The following DNAH11 variants were observed in gnomAD, a reference collection of about 807,000 sequenced individuals.
DNAH11 encodes the protein dynein axonemal heavy chain 11, also known as axonemal beta dynein heavy chain 11.
In DNAH11, 442 loss-of-function variants were observed where a neutral mutation model predicts 526.0. The observed-to-expected ratio is 0.84, with a 90% CI of 0.78 to 0.91. DNAH11 has a LOEUF of 0.91. Ranked by LOEUF, DNAH11 falls within the 40% of genes least tolerant of loss-of-function variation. DNAH11 has a pLI of 0.00. For synonymous variants in DNAH11, 2,461 were observed against 1,935.9 expected (o/e 1.27, Z -7.12); for missense variants, 6,989 against 5,448.7 (o/e 1.28, Z -8.90).
chr7:21,760,619 G>T (rs996675486), intron 54 of DNAH11, among the ~76,000 whole-genome samples: 2 of 152,202 alleles, frequency 1.3e-5, no homozygotes, highest in Non-Finnish European at 2.9e-5. Context: ...TTTGATGGGG[G>T]AGGTTTTGCT....
chr7:21,849,889 T>G (rs540535409), intron 66 of DNAH11, among the ~76,000 whole-genome samples: 3 of 152,334 alleles, frequency 2.0e-5, no homozygotes, highest in Non-Finnish European at 2.9e-5. Flanking sequence ...GCTACCATTA[T>G]TTCCAATCTT....
At chr7:21,653,655 T>C (rs1476582410) in intron 28 of DNAH11, among the ~76,000 whole-genome samples, 1 of 152,176 alleles carries the variant, frequency 6.6e-6, no homozygotes, top group East Asian at 1.9e-4. Context: ...ACTTTCTCTA[T>C]ATTAATATCC....
intron 67 of DNAH11, among the ~76,000 whole-genome samples, chr7:21,853,940 T>C (rs1283270728): frequency 3.3e-5 from 5 of 152,140 alleles, no homozygotes; most frequent in African/African-American, 1.2e-4. Context: ...TGGCATTGAA[T>C]TGACCCAGCA....
intron 5 of DNAH11, among the ~76,000 whole-genome samples, chr7:21,561,867 A>G (rs1387571162): frequency 6.6e-6 from 1 of 152,258 alleles, no homozygotes; most frequent in African/African-American, 2.4e-5. Context: ...AATATGGACA[A>G]GTAACTTTTT....
Position 21,600,846 on chromosome 7 carries a change from T to G in DNAH11, c.3171T>G (p.His1057Gln), listed in dbSNP as rs746557069. The G allele has an allele frequency of 6.2e-7, 1 of 1,613,966 alleles. No individual in the cohort carries two copies. Among genetic ancestry groups the G allele is most frequent in the Admixed American group, 1.7e-5 (1 of 60,012 alleles). Residue 1057 changes from histidine (H) to glutamine (Q), a missense_variant, in exon 16 of 82, where the codon CAT (histidine) becomes CAG (glutamine). Transcript: ENST00000409508. ...TGAAGCATTTTCTCTTGTATGGCCA[T>G]GCTGTGTCTTCCGATGAAATGGATG... ...EFMKHFLLYG[H>Q]AVSSDEMDAH...
intron 57 of DNAH11, among the ~76,000 whole-genome samples, chr7:21,781,376 C>G (rs987602175): frequency 7.2e-5 from 11 of 152,178 alleles, no homozygotes; most frequent in African/African-American, 2.7e-4. Context: ...GCGATTTGAA[C>G]CACTGGGCAT....
intron 63 of DNAH11, 49 bp from the exon 64 acceptor site, chr7:21,816,416 TTC>T (rs1789791821): frequency 2.8e-6 from 4 of 1,407,014 alleles, no homozygotes; most frequent in Admixed American, 4.0e-5. Context: ...CTTGTCTGTC[TTC>T]TCTCTCTGCC....
chr7:21,619,013 A>G (rs1785912655), intron 23 of DNAH11, 87 bp from the exon 24 acceptor site: 1 of 1,535,000 alleles, frequency 6.5e-7, no homozygotes, highest in Non-Finnish European at 9.0e-7. Context: ...AGTATATTTT[A>G]GTTAAGATTC....
intron 45 of DNAH11, among the ~76,000 whole-genome samples, chr7:21,735,130 A>C (rs1159442772): frequency 6.6e-6 from 1 of 152,190 alleles, no homozygotes; most frequent in Non-Finnish European, 1.5e-5. Flanking sequence ...TGATCATGCC[A>C]CTGCACTCCA....
chr7:21,545,618 A>G (rs1024537908), intron 2 of DNAH11, among the ~76,000 whole-genome samples: 19 of 152,212 alleles, frequency 1.2e-4, no homozygotes, highest in Non-Finnish European at 1.5e-5. Flanking sequence ...AGATAATGGG[A>G]AAAGGTGATG....
chr7:21,814,349 ATT>A (rs923471274), intron 63 of DNAH11, among the ~76,000 whole-genome samples: 10 of 143,188 alleles, frequency 7.0e-5, no homozygotes, highest in Non-Finnish European at 1.2e-4. Context: ...TTATTTATTT[ATT>A]TTTTTTTTAT....
At chr7:21,622,446 C>G (rs1475638721) in intron 25 of DNAH11, among the ~76,000 whole-genome samples, 2 of 152,170 alleles carry the variant, frequency 1.3e-5, no homozygotes, top group Non-Finnish European at 2.9e-5. Context: ...CAATGACTTT[C>G]TTCACAGAAT....
intron 65 of DNAH11, 114 bp downstream of exon 65, chr7:21,818,453 T>C (rs1045754980): frequency 2.5e-6 from 3 of 1,195,760 alleles, no homozygotes; most frequent in Non-Finnish European, 3.5e-6. Flanking sequence ...TTTCTGAGTT[T>C]CCATTTCATG....
At chr7:21,545,449 CA>C (rs1272535582) in intron 2 of DNAH11, among the ~76,000 whole-genome samples, 1 of 152,026 alleles carries the variant, frequency 6.6e-6, no homozygotes, top group East Asian at 1.9e-4. Context: ...ACAATAGAAG[CA>C]AATAAAAAGC....
intron 28 of DNAH11, among the ~76,000 whole-genome samples, chr7:21,640,928 G>A (rs906920364): frequency 5.3e-5 from 8 of 152,046 alleles, no homozygotes; most frequent in Admixed American, 1.3e-4. Context: ...CTTAATGACC[G>A]CTCCTGCTTC....
intron 39 of DNAH11, among the ~76,000 whole-genome samples, 179 bp downstream of exon 39, chr7:21,705,716 T>C (rs1784237862): frequency 6.6e-6 from 1 of 152,108 alleles, no homozygotes; most frequent in African/African-American, 2.4e-5. Flanking sequence ...TTCCTTTATA[T>C]TGGGTCAGCG....
At chr7:21,635,719 C>T (rs1439936292) in intron 25 of DNAH11, among the ~76,000 whole-genome samples, 152 bp from the exon 26 acceptor site, 1 of 152,124 alleles carries the variant, frequency 6.6e-6, no homozygotes, top group South Asian at 2.1e-4. Context: ...CTCATTCACT[C>T]ATTTAGCAAA....
rs562999159 is a variant in DNAH11, at chr7:21,824,009, A to G, written c.10691+5670A>G. ...GCAGTCTGCTAAGAGATTCCTGTAT[A>G]AAGCTAGAGGACACACCTTCCGTTT... On this transcript the variant is annotated intron_variant, in intron 65 of 81. Coordinates refer to ENST00000409508, the MANE Select transcript of DNAH11 (RefSeq NM_001277115.2). Among the ~76,000 whole-genome samples the G allele has an allele frequency of 1.1e-4, 16 of 151,968 alleles. No homozygotes were observed. In the South Asian group the frequency reaches 1.7e-3, roughly 16 times the overall value.
chr7:21,807,968 T>G lies in DNAH11; in HGVS notation c.10251T>G (p.Phe3417Leu). Residue 3417 changes from phenylalanine to leucine, a missense_variant, in exon 63 of 82, where the codon TTT becomes TTG. Transcript: ENST00000409508. ...LCGDVLLTAA[F>L]VSYVGPFTRQ... ...GAGATGTTCTTCTCACGGCGGCATT[T>G]GTGTCTTACGTCGGACCCTTCACAA... 1 of 1,608,298 alleles carries G rather than the reference T, an allele frequency of 6.2e-7. No homozygotes were observed. Among genetic ancestry groups the G allele is most frequent in the Non-Finnish European group, 8.5e-7 (1 of 1,176,438 alleles).
Sources: gnomAD v4.1 joint callset for allele counts (sites outside exome capture counted in the v4.1 genomes callset) on GRCh38, gnomAD v4.1.1 for gene constraint, MANE v1.5 for transcripts, NCBI Gene and HGNC (gene_info 2026-07-23, HGNC 2026-07-21) for gene names.